The following DNAJB2 variants were observed in gnomAD, a reference collection of about 807,000 sequenced individuals.
The protein encoded by DNAJB2 is DnaJ heat shock protein family (Hsp40) member B2.
A neutral mutation model predicts 33.3 loss-of-function variants in DNAJB2; 19 were observed. That is an observed-to-expected ratio of 0.57 (90% CI 0.40 to 0.84). DNAJB2 has a LOEUF of 0.84. Among genes scored for constraint, DNAJB2 ranks in the 40% least tolerant of loss-of-function variants. The probability of loss-of-function intolerance (pLI) is 0.00; values close to 1 mark genes in which losing one functional copy is unlikely to be tolerated. For synonymous variants in DNAJB2, 172 were observed against 164.6 expected (o/e 1.04, Z -0.34); for missense variants, 368 against 430.9 (o/e 0.85, Z 1.29).
In DNAJB2 at chr2:219,285,544, G is replaced by A; in HGVS notation, c.*557G>A. ...TCCCATTCTCTCTGCAACTCCCTGC[G>A]GGCCGCATCGCTTGCTTTCACTGCC... On this transcript the variant is annotated 3_prime_UTR_variant, in exon 9 of 9. Transcript: ENST00000336576. The A allele has an allele frequency of 2.9e-6, 3 of 1,021,220 alleles. No individual in the cohort carries two copies. Among genetic ancestry groups the A allele is most frequent in the East Asian group, 9.3e-5 (1 of 10,718 alleles). The allele number at this position is 1,021,220 out of a possible 1,614,324, so 63.3% of individuals were successfully genotyped here.
intron 5 of DNAJB2, chr2:219,282,562 C>T (rs932333112): frequency 2.2e-5 from 9 of 401,128 alleles, no homozygotes; most frequent in East Asian, 8.9e-5. Flanking sequence ...TGCCTGTCAT[C>T]GCGTCATGAT....
intron 8 of DNAJB2, among the ~76,000 whole-genome samples, chr2:219,283,973 C>T (rs929522046): frequency 2.0e-5 from 3 of 152,216 alleles, no homozygotes; most frequent in African/African-American, 4.8e-5. Flanking sequence ...TGTGCAGGGC[C>T]GTCACCACAG....
In DNAJB2 at chr2:219,285,302, C is replaced by T; in HGVS notation, c.*315C>T. The T allele has an allele frequency of 1.9e-6, 2 of 1,078,974 alleles. No homozygotes were observed. Among genetic ancestry groups the T allele is most frequent in the Non-Finnish European group, 2.2e-6 (2 of 890,024 alleles). 66.8% of individuals were successfully genotyped at this position (1,078,974 alleles called of 1,614,324 possible). A position where few individuals can be genotyped will look rare whatever the true frequency, so the allele number is the denominator to read the frequency against. On this transcript the variant is annotated 3_prime_UTR_variant, in exon 9 of 9. Coordinates refer to ENST00000336576, the MANE Select transcript of DNAJB2 (RefSeq NM_006736.6). ...TGGTTTGGGCTGGGCCTTTTGTGCC[C>T]TGGTACTCTGCCACCTGTGTTGCTG...
At position 219,284,906 on chromosome 2, in the gene DNAJB2, G is replaced by T. The variant is rs147049774; in HGVS notation, c.894G>T (p.Gly298=). 79 of 1,596,370 alleles carry T rather than the reference G, an allele frequency of 4.9e-5. 3 individuals are homozygous for T. The South Asian group carries it at 5.1e-4, about 10-fold the overall frequency. Residue 298 remains glycine (G), a synonymous_variant, in exon 9 of 9, where the codon GGG becomes GGT. Transcript: ENST00000336576. The part of the protein sequence containing the change: ...KAQHQDPGLG[G]TQEGARGEAT... ...AGCACCAAGATCCAGGCTTGGGGGG[G>T]ACCCAGGAGGGTGCGAGGGGTGAAG...
Position 219,283,506 on chromosome 2 carries a change from C to T in DNAJB2, c.619+17C>T. On this transcript the variant is annotated intron_variant, in intron 8 of 8. Transcript: ENST00000336576. ...CAATCAATGGTGAGGAGCAGCTCCC[C>T]TACCCAGCCCCTGGCAGGAAGCCCC... is the stretch of plus-strand genomic sequence containing the variant. 1.2e-6 allele frequency: 2 copies of T among 1,609,096 alleles called. No individual in the cohort carries two copies. Among genetic ancestry groups the T allele is most frequent in the Non-Finnish European group, 1.7e-6 (2 of 1,177,602 alleles).
chr2:219,281,029 G>A (rs1951899923), intron 3 of DNAJB2: 1 of 280,426 alleles, frequency 3.6e-6, no homozygotes, highest in South Asian at 6.1e-5. Flanking sequence ...AGGAAACTGA[G>A]GCTGAGAGAG....
rs375051736 is a variant in DNAJB2, at chr2:219,283,124, C to T, written c.446-9C>T. On this transcript the variant is annotated splice_polypyrimidine_tract_variant and intron_variant, in intron 6 of 8. Transcript: ENST00000336576. ...CACCTCTCCTCCTCCTCCCTTGTCC[C>T]GATGCCAGATTTCTCCTCCTCATCT... 46 of 1,613,986 alleles carry T rather than the reference C, an allele frequency of 2.9e-5. No individual in the cohort carries two copies. The highest frequency in any genetic ancestry group is 3.6e-5 in the Non-Finnish European group (43 of 1,179,944).
chr2:219,284,590 C>G (rs771839803), intron 8 of DNAJB2, 42 bp from the exon 9 acceptor site: 10 of 1,543,140 alleles, frequency 6.5e-6, no homozygotes, highest in Non-Finnish European at 7.9e-6. Context: ...AGTAATACCC[C>G]TGGCTCAGGT....
At position 219,284,723 on chromosome 2, in the gene DNAJB2, G is replaced by A; in HGVS notation, c.711G>A (p.Gln237=). The A allele has an allele frequency of 6.2e-7, 1 of 1,613,264 alleles. No homozygotes were observed. Among genetic ancestry groups the A allele is most frequent in the Admixed American group, 1.7e-5 (1 of 60,018 alleles). Residue 237 remains glutamine (Q), a synonymous_variant, in exon 9 of 9, where the codon CAG becomes CAA. Transcript: ENST00000336576. ...VTSRSGGTQV[Q]QTPASCPLDS... is the part of the protein sequence containing the mutation. ...CCAGGTCTGGGGGCACTCAGGTCCA[G>A]CAGACCCCTGCCTCATGCCCCTTGG...
Position 219,280,592 on chromosome 2 carries a change from C to G in DNAJB2, c.80C>G (p.Ala27Gly). The change falls in exon 3 of 9, where the codon GCT becomes GGT. Residue 27 changes from alanine to glycine, a missense_variant. By Grantham distance (60) the Ala-to-Gly change is moderately conservative. Transcript: ENST00000336576. Reference protein sequence around the residue: ...DDIKKAYRRKALQWHPDKNPD... With the variant: ...DDIKKAYRRKGLQWHPDKNPD... ...ACTTTCTGCAGGTATCGGCGCAAGG[C>G]TCTCCAGTGGCACCCAGACAAAAAC... 3 of 1,614,016 alleles carry G rather than the reference C, an allele frequency of 1.9e-6. No individual in the cohort carries two copies. Among genetic ancestry groups the G allele is most frequent in the Non-Finnish European group, 2.5e-6 (3 of 1,179,976 alleles).
chr2:219,285,937 G>C lies in DNAJB2; in HGVS notation c.*950G>C, dbSNP rs770132610. The stretch of plus-strand genomic sequence containing the variant: ...TGCATGCTGAGCCCCATCCTCCACA[G>C]CTTGCCGCTGACGCTCTCTCCTGTC... On this transcript the variant is annotated 3_prime_UTR_variant, in exon 9 of 9. Transcript: ENST00000336576. 17 of 1,607,110 alleles carry C rather than the reference G, an allele frequency of 1.1e-5. No individual in the cohort carries two copies. Among genetic ancestry groups the C allele is most frequent in the Non-Finnish European group, 1.4e-5 (17 of 1,178,480 alleles).
chr2:219,286,105 A>G lies in DNAJB2; in HGVS notation c.*1118A>G, dbSNP rs868794850. The G allele has an allele frequency of 1.6e-5, 15 of 928,010 alleles. No individual in the cohort carries two copies. The highest frequency in any genetic ancestry group is 2.8e-4 in the Middle Eastern group (1 of 3,532). 57.5% of individuals were successfully genotyped at this position (928,010 alleles called of 1,614,324 possible). On this transcript the variant is annotated 3_prime_UTR_variant, in exon 9 of 9. Transcript: ENST00000336576. ...TCTCCCCCTCACCCATGCTGAGTGTAGAGCCGGGGCCTGGGTGGCGGGTGG... is the reference window on the plus strand; with the variant it reads ...TCTCCCCCTCACCCATGCTGAGTGTGGAGCCGGGGCCTGGGTGGCGGGTGG...
chr2:219,283,396 C>G, intron 7 of DNAJB2, 23 bp from the exon 8 acceptor site: 1 of 1,612,968 alleles, frequency 6.2e-7, no homozygotes, highest in Non-Finnish European at 8.5e-7. Context: ...TGCTCGTTGC[C>G]TGAACTGTGC....
rs949341803 is a variant in DNAJB2, at chr2:219,281,745, A to T, written c.203A>T (p.Tyr68Phe). Residue 68 changes from tyrosine to phenylalanine, a missense_variant, in exon 4 of 9, where the codon TAT (tyrosine) becomes TTT (phenylalanine). By Grantham distance (22) the Tyr-to-Phe change is conservative. Transcript: ENST00000336576. ...CACAAGCGGGAGATTTACGACCGCT[A>T]TGGCCGGGAAGGGCTGACAGGGACA... is the stretch of plus-strand genomic sequence containing the variant. ...DKHKREIYDR[Y>F]GREGLTGTGT... The T allele has an allele frequency of 3.7e-6, 6 of 1,614,016 alleles. No individual in the cohort carries two copies. In the Admixed American group the frequency reaches 5.0e-5, roughly 13 times the overall value.
Position 219,285,338 on chromosome 2 carries a change from G to C in DNAJB2, c.*351G>C. 9.6e-7 allele frequency: 1 copy of C among 1,036,482 alleles called. No homozygotes were observed. Among genetic ancestry groups the C allele is most frequent in the Non-Finnish European group, 1.2e-6 (1 of 863,226 alleles). The allele number at this position is 1,036,482 out of a possible 1,614,324, so 64.2% of individuals were successfully genotyped here. A position where few individuals can be genotyped will look rare whatever the true frequency, so the allele number is the denominator to read the frequency against. ...CCACCTGTGTTGCTGATGGTGTCAA[G>C]GAAGGAGGACTTGGCCTAGGGTTGT... On this transcript the variant is annotated 3_prime_UTR_variant, in exon 9 of 9. Transcript: ENST00000336576.
intron 6 of DNAJB2, 56 bp from the exon 7 acceptor site, chr2:219,283,077 G>A: frequency 6.2e-7 from 1 of 1,605,006 alleles, no homozygotes; most frequent in Non-Finnish European, 8.5e-7. Context: ...GACCACAACA[G>A]GCAGCGCAGT....
At chr2:219,281,024 A>C (rs1426179620) in intron 3 of DNAJB2, 2 of 287,864 alleles carry the variant, frequency 6.9e-6, no homozygotes, top group Non-Finnish European at 1.3e-5. Flanking sequence ...AGGCAAGGAA[A>C]CTGAGGCTGA....
Position 219,285,845 on chromosome 2 carries a change from C to A in DNAJB2, c.*858C>A. ...CCCCAGAGGGAGGCCTAGGAGGGGA[C>A]TGCACCCATACTGCTTCCCTACCAC... On this transcript the variant is annotated 3_prime_UTR_variant, in exon 9 of 9. Transcript: ENST00000336576. 3 of 1,463,256 alleles carry A rather than the reference C, an allele frequency of 2.1e-6. No individual in the cohort carries two copies. Among genetic ancestry groups the A allele is most frequent in the Non-Finnish European group, 2.7e-6 (3 of 1,105,514 alleles). The allele number at this position is 1,463,256 out of a possible 1,614,324, so 90.6% of individuals were successfully genotyped here.
At chr2:219,281,634 C>CTCTG in intron 3 of DNAJB2, 84 bp from the exon 4 acceptor site, 1 of 1,580,998 alleles carries the variant, frequency 6.3e-7, no homozygotes. Context: ...GAGTGTCAGT[C>CTCTG]TCTGGACAAT....
Sources: allele counts gnomAD v4.1 joint callset (sites outside exome capture counted in the v4.1 genomes callset), GRCh38; gene constraint gnomAD v4.1.1; transcripts MANE v1.5; gene names NCBI Gene and HGNC (gene_info 2026-07-23, HGNC 2026-07-21).